NEK10: variants seen among roughly 807,000 people sequenced by gnomAD.
NEK10 encodes the protein NIMA related kinase 10.
A neutral mutation model predicts 159.8 loss-of-function variants in NEK10; 122 were observed. The observed-to-expected ratio is 0.76, with a 90% CI of 0.66 to 0.89. The LOEUF (loss-of-function observed/expected upper bound fraction) is 0.89, where lower values mean the gene tolerates loss of function less well. Ranked by LOEUF, NEK10 falls within the 40% of genes least tolerant of loss-of-function variation. The pLI, the probability that NEK10 is intolerant of heterozygous loss-of-function variation, is 0.00. For synonymous variants in NEK10, 466 were observed against 457.1 expected, an observed-to-expected ratio of 1.02 and a Z score of -0.25; for missense variants, 1,342 against 1,323.1, an observed-to-expected ratio of 1.01 and a Z score of -0.22.
intron 23 of NEK10, among the ~76,000 whole-genome samples, chr3:27,244,828 G>A (rs533006485): frequency 1.2e-4 from 19 of 152,160 alleles, no homozygotes; most frequent in East Asian, 3.9e-4. Flanking sequence ...TGCCCACACC[G>A]CAGATGCTGA....
intron 15 of NEK10, among the ~76,000 whole-genome samples, chr3:27,294,318 G>T (rs1489164202): frequency 6.6e-6 from 1 of 152,198 alleles, no homozygotes; most frequent in African/African-American, 2.4e-5. Context: ...TCAGGGTTTG[G>T]TGAATCAAAT....
At chr3:27,147,994 CT>C (rs1375373959) in intron 30 of NEK10, among the ~76,000 whole-genome samples, 1 of 152,192 alleles carries the variant, frequency 6.6e-6, no homozygotes, top group East Asian at 1.9e-4. Context: ...AAGAATTGTG[CT>C]TTTGCACCCC....
chr3:27,330,664 T>C (rs1375210909), intron 5 of NEK10, among the ~76,000 whole-genome samples: 2 of 152,204 alleles, frequency 1.3e-5, no homozygotes, highest in Non-Finnish European at 2.9e-5. Context: ...TTAGCCTCAA[T>C]GTTCACCTAA....
chr3:27,154,232 C>T (rs1945175577), intron 30 of NEK10, among the ~76,000 whole-genome samples: 1 of 152,068 alleles, frequency 6.6e-6, no homozygotes, highest in South Asian at 2.1e-4. Flanking sequence ...AAAAATACAA[C>T]CTCCTAGCTT....
intron 25 of NEK10, among the ~76,000 whole-genome samples, chr3:27,199,265 A>G (rs1401055047): frequency 3.3e-5 from 5 of 152,160 alleles, no homozygotes; most frequent in African/African-American, 9.6e-5. Flanking sequence ...CAAATTTACA[A>G]GAGAAAAACA....
intron 25 of NEK10, among the ~76,000 whole-genome samples, chr3:27,199,878 T>C (rs775630516): frequency 6.6e-6 from 1 of 152,186 alleles, no homozygotes; most frequent in Non-Finnish European, 1.5e-5. Flanking sequence ...AAATACTACA[T>C]GTTTTCACTT....
intron 6 of NEK10, among the ~76,000 whole-genome samples, chr3:27,321,737 G>C (rs2045655632): frequency 6.6e-6 from 1 of 152,112 alleles, no homozygotes; most frequent in Admixed American, 6.5e-5. Flanking sequence ...TAGAGGTTGG[G>C]AAGGGATTGA....
intron 3 of NEK10, among the ~76,000 whole-genome samples, chr3:27,350,718 T>C (rs1022988685): frequency 1.3e-5 from 2 of 152,076 alleles, no homozygotes; most frequent in Admixed American, 1.3e-4. Context: ...GGGAAAAAAA[T>C]CACTAAATTA....
intron 23 of NEK10, among the ~76,000 whole-genome samples, chr3:27,229,473 C>G (rs1298900072): frequency 6.6e-6 from 1 of 152,070 alleles, no homozygotes; most frequent in Non-Finnish European, 1.5e-5. Context: ...TTCTATAACA[C>G]CCCCAAAAGA....
intron 22 of NEK10, among the ~76,000 whole-genome samples, chr3:27,260,503 T>C (rs1419427032): frequency 6.6e-6 from 1 of 152,230 alleles, no homozygotes; most frequent in African/African-American, 2.4e-5. Context: ...TTTGGTTCTG[T>C]TTATATGCAG....
chr3:27,248,522 T>C (rs1955326857), intron 23 of NEK10, among the ~76,000 whole-genome samples: 1 of 152,204 alleles, frequency 6.6e-6, no homozygotes, highest in Admixed American at 6.5e-5. Flanking sequence ...TTGGTACTAC[T>C]TTCACTGTAT....
chr3:27,284,946 A>G lies in NEK10; in HGVS notation c.1805T>C (p.Ile602Thr). 6.2e-7 allele frequency: 1 copy of G among 1,603,636 alleles called. No individual in the cohort carries two copies. Among genetic ancestry groups the G allele is most frequent in the Non-Finnish European group, 8.5e-7 (1 of 1,174,762 alleles). ...GGCTCCTTCTATCAGCTCCATAACT[A>G]TGTACAACCTATCATCTATATAAAT... is the stretch of plus-strand genomic sequence containing the variant. ...KTFLENDRLY[I>T]VMELIEGAPL... The change falls in exon 21 of 36, where the codon ATA becomes ACA. Residue 602 changes from isoleucine (I) to threonine (T), a missense_variant. By Grantham distance (89) the Ile-to-Thr change is moderately conservative (BLOSUM62 -1). Transcript: ENST00000691995.
chr3:27,334,578 C>T (rs2046663441), intron 5 of NEK10, among the ~76,000 whole-genome samples: 1 of 152,216 alleles, frequency 6.6e-6, no homozygotes, highest in African/African-American at 2.4e-5. Context: ...ACACCCCAGC[C>T]TCCAATAATA....
intron 30 of NEK10, among the ~76,000 whole-genome samples, chr3:27,149,990 A>C (rs1944672589): frequency 6.6e-6 from 1 of 152,222 alleles, no homozygotes; most frequent in Non-Finnish European, 1.5e-5. Context: ...AGAAAGATTT[A>C]GAAGATAAAA....
chr3:27,187,329 T>A lies in NEK10; in HGVS notation c.2505+4700A>T, dbSNP rs185676512. Among the ~76,000 whole-genome samples the A allele has an allele frequency of 2.7e-3, 407 of 152,302 alleles. 4 individuals are homozygous for A. Among genetic ancestry groups the A allele is most frequent in the African/African-American group, 9.5e-3 (395 of 41,556 alleles). ...ACCCTTGGGATGGCAAAGAAACTTT[T>A]AGACCAAAAGAGAACGACATAATTG... On this transcript the variant is annotated intron_variant, in intron 26 of 35. Coordinates refer to ENST00000691995, the MANE Select transcript of NEK10 (RefSeq NM_001394966.1).
intron 22 of NEK10, among the ~76,000 whole-genome samples, chr3:27,275,881 G>C (rs1321574969): frequency 1.3e-5 from 2 of 152,060 alleles, no homozygotes; most frequent in Non-Finnish European, 2.9e-5. Flanking sequence ...CTGAAACTTT[G>C]GTGGCATTCA....
At chr3:27,141,669 T>A in intron 30 of NEK10, 87 bp from the exon 31 acceptor site, 1 of 1,003,950 alleles carries the variant, frequency 1.0e-6, no homozygotes, top group Non-Finnish European at 1.5e-6. Context: ...AACACAAATT[T>A]TAAAGCAAAG....
chr3:27,302,469 C>T (rs1471509871), intron 12 of NEK10, among the ~76,000 whole-genome samples: 1 of 152,068 alleles, frequency 6.6e-6, no homozygotes, highest in African/African-American at 2.4e-5. Context: ...CCTAGCTCTG[C>T]AGTCTTCTCC....
intron 2 of NEK10, 126 bp from the exon 3 acceptor site, chr3:27,352,651 A>C (rs778079717): frequency 1.8e-5 from 15 of 832,994 alleles, no homozygotes; most frequent in Non-Finnish European, 2.4e-5. Context: ...CACACACTAA[A>C]CATTTTCTTT....
Sources: allele counts gnomAD v4.1 joint callset (sites outside exome capture counted in the v4.1 genomes callset), GRCh38; gene constraint gnomAD v4.1.1; transcripts MANE v1.5; gene names NCBI Gene and HGNC (gene_info 2026-07-23, HGNC 2026-07-21).